PLEKHM3: variants seen among roughly 807,000 people sequenced by gnomAD.
The protein encoded by PLEKHM3 is pleckstrin homology domain containing M3.
A neutral mutation model predicts 81.8 loss-of-function variants in PLEKHM3; 45 were observed. The ratio of observed to expected loss-of-function variants is 0.55; its 90% CI spans 0.43 to 0.71. The LOEUF is 0.71. PLEKHM3 is among the 30% of genes least tolerant of loss of function. The probability of loss-of-function intolerance (pLI) is 0.00; values close to 1 mark genes in which losing one functional copy is unlikely to be tolerated. For missense variants in PLEKHM3, 788 were observed against 924.3 expected, an observed-to-expected ratio of 0.85 and a Z score of 1.91; for synonymous variants, 352 against 356.4, an observed-to-expected ratio of 0.99 and a Z score of 0.14.
intron 5 of PLEKHM3, among the ~76,000 whole-genome samples, chr2:207,918,496 T>C (rs1453004967): frequency 6.6e-6 from 1 of 152,094 alleles, no homozygotes; most frequent in African/African-American, 2.4e-5. Flanking sequence ...TGCTGCAGCC[T>C]GGGTGGCAAA....
chr2:207,973,323 G>C (rs1227425521), intron 3 of PLEKHM3, among the ~76,000 whole-genome samples: 2 of 152,222 alleles, frequency 1.3e-5, no homozygotes, highest in East Asian at 3.8e-4. Flanking sequence ...CTGATATAAT[G>C]AACAGTCTCC....
intron 2 of PLEKHM3, among the ~76,000 whole-genome samples, chr2:208,000,629 C>T (rs1036416072): frequency 2.0e-5 from 3 of 152,210 alleles, no homozygotes; most frequent in African/African-American, 7.2e-5. Context: ...TTAAATCCTT[C>T]CTAGCATAGG....
At position 207,905,373 on chromosome 2, in the gene PLEKHM3, C is replaced by T. The variant is rs114655814; in HGVS notation, c.1950+3141G>A. 3.8e-3 allele frequency among the ~76,000 whole-genome samples: 575 copies of T among 152,300 alleles called. 4 individuals are homozygous for T. Among genetic ancestry groups the T allele is most frequent in the African/African-American group, 0.013 (541 of 41,560 alleles). ...GGATGATGAAGCAGTCCAGAAGAGG[C>T]CAAAAAGGCCCAGGACGCCATAAGG... On this transcript the variant is annotated intron_variant, in intron 6 of 7. Transcript: ENST00000427836.
intron 3 of PLEKHM3, among the ~76,000 whole-genome samples, chr2:207,975,118 G>A (rs575503414): frequency 2.0e-5 from 3 of 152,174 alleles, no homozygotes; most frequent in Admixed American, 6.5e-5. Context: ...GTGAGCCACC[G>A]CGCCCAGTCT....
At chr2:208,007,819 G>A (rs995277046) in intron 1 of PLEKHM3, among the ~76,000 whole-genome samples, 2 of 152,122 alleles carry the variant, frequency 1.3e-5, no homozygotes, top group Non-Finnish European at 2.9e-5. Context: ...ACTTTGGGAG[G>A]CCAAGGCGGG....
intron 1 of PLEKHM3, among the ~76,000 whole-genome samples, chr2:208,012,925 G>T (rs1692750525): frequency 6.6e-6 from 1 of 152,194 alleles, no homozygotes; most frequent in African/African-American, 2.4e-5. Context: ...GACGGACCAA[G>T]TACCCAAACA....
At chr2:207,850,214 C>T (rs1394011711) in intron 7 of PLEKHM3, among the ~76,000 whole-genome samples, 2 of 152,212 alleles carry the variant, frequency 1.3e-5, no homozygotes, top group African/African-American at 4.8e-5. Flanking sequence ...CCTCCCTACA[C>T]CTCTACGCTG....
chr2:207,894,845 C>A (rs1005367213), intron 6 of PLEKHM3, among the ~76,000 whole-genome samples: 3 of 152,108 alleles, frequency 2.0e-5, no homozygotes, highest in Non-Finnish European at 4.4e-5. Context: ...GGGTTTGAAT[C>A]CCAGCTCCTC....
At chr2:207,932,631 C>A (rs1485388058) in intron 4 of PLEKHM3, among the ~76,000 whole-genome samples, 1 of 152,120 alleles carries the variant, frequency 6.6e-6, no homozygotes, top group Non-Finnish European at 1.5e-5. Context: ...TAAAACAAAA[C>A]CACATGTAAC....
intron 1 of PLEKHM3, among the ~76,000 whole-genome samples, chr2:208,018,899 AT>A (rs1309912846): frequency 2.0e-5 from 3 of 151,912 alleles, no homozygotes; most frequent in Non-Finnish European, 4.4e-5. Flanking sequence ...CTATATCTAC[AT>A]ATAAAGAATT....
At chr2:207,969,870 G>A (rs920465456) in intron 3 of PLEKHM3, among the ~76,000 whole-genome samples, 11 of 152,104 alleles carry the variant, frequency 7.2e-5, no homozygotes, top group Non-Finnish European at 1.0e-4. Flanking sequence ...AATGTTATTA[G>A]TACATAGATT....
intron 6 of PLEKHM3, among the ~76,000 whole-genome samples, chr2:207,867,076 T>C (rs1014596429): frequency 2.6e-5 from 4 of 152,344 alleles, no homozygotes; most frequent in African/African-American, 9.6e-5. Flanking sequence ...ATATCCCGTC[T>C]TCCAGGCACC....
rs368854968 is a variant in PLEKHM3, at chr2:207,913,057, G to A, written c.1887-4480C>T. On this transcript the variant is annotated intron_variant, in intron 5 of 7. Coordinates refer to ENST00000427836, the MANE Select transcript of PLEKHM3 (RefSeq NM_001080475.3). Reference sequence around the variant, plus strand: ...GACAGGAGTCCTTTAGGAAATGAATGGGAAAAGTAAAGATTCCCAGGAGCC... The same window carrying A: ...GACAGGAGTCCTTTAGGAAATGAATAGGAAAAGTAAAGATTCCCAGGAGCC... 5.9e-5 allele frequency among the ~76,000 whole-genome samples: 9 copies of A among 152,144 alleles called. No individual in the cohort carries two copies. The South Asian group carries it at 1.9e-3, about 32-fold the overall frequency.
At chr2:207,880,802 CAAACAAAAAA>C (rs1241935010) in intron 6 of PLEKHM3, among the ~76,000 whole-genome samples, 2 of 48,112 alleles carry the variant, frequency 4.2e-5, no homozygotes, top group East Asian at 6.0e-4. Context: ...AAAAAACAAA[CAAACAAAAAA>C]AAACAAAAAA....
At chr2:207,953,137 C>T (rs985030820) in intron 3 of PLEKHM3, among the ~76,000 whole-genome samples, 4 of 143,608 alleles carry the variant, frequency 2.8e-5, no homozygotes, top group Non-Finnish European at 4.7e-5. Context: ...AAATCAATTG[C>T]GTGCCACGTG....
chr2:207,957,446 C>T (rs549431933), intron 3 of PLEKHM3, among the ~76,000 whole-genome samples: 97 of 152,284 alleles, frequency 6.4e-4, no homozygotes, highest in African/African-American at 2.2e-3. Flanking sequence ...CGCCTGTAAT[C>T]CCAGCACTTT....
At chr2:207,964,816 A>G (rs1386653476) in intron 3 of PLEKHM3, among the ~76,000 whole-genome samples, 1 of 152,212 alleles carries the variant, frequency 6.6e-6, no homozygotes, top group Admixed American at 6.5e-5. Flanking sequence ...TCAAGGTATA[A>G]AGATGGATAG....
chr2:207,834,118 A>ATTTTTTTTTTT, intron 7 of PLEKHM3, among the ~76,000 whole-genome samples: 1 of 137,066 alleles, frequency 7.3e-6, no homozygotes, highest in African/African-American at 2.8e-5. Context: ...ACTCACTCTG[A>ATTTTTTTTTTT]TTTTTCTCTT....
intron 7 of PLEKHM3, among the ~76,000 whole-genome samples, chr2:207,860,148 C>CTT (rs1352983342): frequency 5.2e-5 from 3 of 58,070 alleles, no homozygotes; most frequent in Non-Finnish European, 1.0e-4. Flanking sequence ...CTGAACTCTG[C>CTT]CTCTGTGTGT....
Sources: allele counts gnomAD v4.1 joint callset (sites outside exome capture counted in the v4.1 genomes callset), GRCh38; gene constraint gnomAD v4.1.1; transcripts MANE v1.5; gene names NCBI Gene and HGNC (gene_info 2026-07-23, HGNC 2026-07-21).